CSMD1: variants seen among roughly 807,000 people sequenced by gnomAD.
CSMD1 encodes CUB and sushi domain-containing protein 1.
CSMD1 carries 213 observed loss-of-function variants against 417.5 expected under a neutral mutation model. That is an observed-to-expected ratio of 0.51 (90% CI 0.46 to 0.57). The LOEUF (loss-of-function observed/expected upper bound fraction) is 0.57, where lower values mean the gene tolerates loss of function less well. CSMD1 is among the 20% of genes least tolerant of loss of function. CSMD1 has a pLI of 0.00. For missense variants in CSMD1, 6,923 were observed against 4,529.7 expected (o/e 1.53, Z -15.17); for synonymous variants, 2,862 against 1,736.8 (o/e 1.65, Z -16.11).
intron 3 of CSMD1, among the ~76,000 whole-genome samples, chr8:4,125,624 T>G (rs1280775031): frequency 4.6e-5 from 7 of 152,216 alleles, no homozygotes; most frequent in African/African-American, 1.7e-4. Flanking sequence ...ATTATGTCAG[T>G]GACAGAAATC....
At chr8:4,131,524 A>G (rs946327920) in intron 3 of CSMD1, among the ~76,000 whole-genome samples, 1 of 152,190 alleles carries the variant, frequency 6.6e-6, no homozygotes, top group Non-Finnish European at 1.5e-5. Flanking sequence ...ATTATGTTTA[A>G]TATCAACGCA....
At chr8:3,973,773 T>TA (rs1813233939) in intron 5 of CSMD1, among the ~76,000 whole-genome samples, 2 of 152,200 alleles carry the variant, frequency 1.3e-5, no homozygotes, top group African/African-American at 4.8e-5. Flanking sequence ...TGTTTCATTA[T>TA]TTGAGACACA....
chr8:2,982,462 A>G (rs1165771013), intron 54 of CSMD1, among the ~76,000 whole-genome samples: 1 of 152,242 alleles, frequency 6.6e-6, no homozygotes, highest in East Asian at 1.9e-4. Context: ...CCTATCCAGT[A>G]ATGTCCCCAT....
At chr8:4,432,778 C>T in intron 2 of CSMD1, among the ~76,000 whole-genome samples, 1 of 152,220 alleles carries the variant, frequency 6.6e-6, no homozygotes, top group East Asian at 1.9e-4. Flanking sequence ...TATATGAAGC[C>T]AAGCAGTAAT....
chr8:4,867,055 C>A (rs1208668315), intron 1 of CSMD1, among the ~76,000 whole-genome samples: 1 of 151,902 alleles, frequency 6.6e-6, no homozygotes, highest in African/African-American at 2.4e-5. Context: ...TCAAATTAAG[C>A]CATACAGAAA....
chr8:3,667,415 TG>T (rs1444330552), intron 7 of CSMD1, among the ~76,000 whole-genome samples: 4 of 147,520 alleles, frequency 2.7e-5, no homozygotes, highest in Non-Finnish European at 3.0e-5. Flanking sequence ...GTGGAGATCT[TG>T]GGGAAGAGAT....
At chr8:4,712,657 G>T (rs950079332) in intron 1 of CSMD1, among the ~76,000 whole-genome samples, 3 of 152,046 alleles carry the variant, frequency 2.0e-5, no homozygotes, top group Admixed American at 6.5e-5. Flanking sequence ...TCCTCTAATT[G>T]GGCAACTAGT....
Position 4,994,343 on chromosome 8 carries a change from G to T in CSMD1, c.74C>A (p.Thr25Asn). 6.8e-6 allele frequency: 11 copies of T among 1,610,936 alleles called. No homozygotes were observed. The highest frequency in any genetic ancestry group is 9.3e-6 in the Non-Finnish European group (11 of 1,179,804). Residue 25 changes from threonine (T) to asparagine (N), a missense_variant, in exon 1 of 70, where the codon ACT becomes AAT. Physicochemically the swap from Thr to Asn is moderately conservative, Grantham distance 65. Transcript: ENST00000635120. ...CAAGTCCGTCTTACCCTTCGCTGCA[G>T]TGAGGAGCCTCGCGCACAGCACCAG... ...GLLVLCARLL[T>N]AAKGQNCGGL...
At chr8:4,300,547 A>G (rs1199047233) in intron 3 of CSMD1, among the ~76,000 whole-genome samples, 1 of 152,058 alleles carries the variant, frequency 6.6e-6, no homozygotes. Context: ...TTTTATTATT[A>G]TTATGCTTTA....
At chr8:2,984,908 C>T (rs979237270) in intron 54 of CSMD1, among the ~76,000 whole-genome samples, 2 of 152,204 alleles carry the variant, frequency 1.3e-5, no homozygotes, top group Non-Finnish European at 2.9e-5. Context: ...TACACATCAC[C>T]TGGACAAGAG....
At chr8:3,948,408 A>T (rs1045953314) in intron 5 of CSMD1, among the ~76,000 whole-genome samples, 2 of 152,196 alleles carry the variant, frequency 1.3e-5, no homozygotes, top group African/African-American at 4.8e-5. Flanking sequence ...AGGGAGAACA[A>T]GAAAAATAGG....
chr8:4,969,571 C>G (rs143974539), intron 1 of CSMD1, among the ~76,000 whole-genome samples: 74 of 151,850 alleles, frequency 4.9e-4, no homozygotes, highest in African/African-American at 1.8e-3. Context: ...CACAACAGCT[C>G]AGTTCTATTT....
At chr8:3,874,081 T>C (rs555551772) in intron 5 of CSMD1, among the ~76,000 whole-genome samples, 1 of 152,334 alleles carries the variant, frequency 6.6e-6, no homozygotes, top group East Asian at 1.9e-4. Context: ...AAGTTCTCTG[T>C]GCTATCCTCA....
intron 1 of CSMD1, among the ~76,000 whole-genome samples, chr8:4,846,341 G>A (rs143707746): frequency 1.3e-5 from 2 of 152,316 alleles, no homozygotes; most frequent in African/African-American, 4.8e-5. Context: ...GTGTGCATAT[G>A]GGTTTATAGA....
chr8:4,712,899 T>C (rs531848238), intron 1 of CSMD1, among the ~76,000 whole-genome samples: 1 of 152,308 alleles, frequency 6.6e-6, no homozygotes, highest in African/African-American at 2.4e-5. Flanking sequence ...AAGAAGACAA[T>C]TTTCAAAAAG....
At chr8:4,711,776 T>C (rs534357631) in intron 1 of CSMD1, among the ~76,000 whole-genome samples, 1 of 152,186 alleles carries the variant, frequency 6.6e-6, no homozygotes, top group Non-Finnish European at 1.5e-5. Flanking sequence ...TGCTTTTGTT[T>C]TTTGTTTTTA....
rs117729528 is a variant in CSMD1 at position 4,947,679 on chromosome 8, T to C, written c.85+46653A>G. Among the ~76,000 whole-genome samples the C allele has an allele frequency of 1.5e-3, 236 of 152,264 alleles. 7 individuals carry two copies. The East Asian group carries it at 0.017, about 11-fold the overall frequency. On this transcript the variant is annotated intron_variant, in intron 1 of 69. Coordinates refer to ENST00000635120, the MANE Select transcript of CSMD1 (RefSeq NM_033225.6). ...CATTTTGGGTTGATCATTCTTGGCA[T>C]TGAAAAATAAATTCATCATAAATAT...
intron 7 of CSMD1, among the ~76,000 whole-genome samples, chr8:3,645,477 A>C (rs1313546540): frequency 1.3e-5 from 2 of 152,198 alleles, no homozygotes; most frequent in Non-Finnish European, 2.9e-5. Flanking sequence ...CTAACTGAAA[A>C]TGGGACAGTG....
intron 49 of CSMD1, 39 bp from the exon 50 acceptor site, chr8:3,052,686 G>C (rs371631616): frequency 1.4e-6 from 2 of 1,410,840 alleles, no homozygotes; most frequent in African/African-American, 1.5e-5. Context: ...TATTCTTACA[G>C]AAATTATTTT....
Sources: allele counts gnomAD v4.1 joint callset (sites outside exome capture counted in the v4.1 genomes callset), GRCh38; gene constraint gnomAD v4.1.1; transcripts MANE v1.5; gene names NCBI Gene and HGNC (gene_info 2026-07-23, HGNC 2026-07-21).